ARHGAP44: variants seen among roughly 807,000 people sequenced by gnomAD.
ARHGAP44 encodes the protein Rho GTPase activating protein 44, also known as rho GTPase-activating protein 44.
ARHGAP44 carries 43 observed loss-of-function variants against 106.8 expected under a neutral mutation model. The observed-to-expected ratio is 0.40, with a 90% CI of 0.32 to 0.52. The LOEUF (loss-of-function observed/expected upper bound fraction) is 0.52. Among genes scored for constraint, ARHGAP44 ranks in the 20% least tolerant of loss-of-function variants. ARHGAP44 has a pLI of 0.48. For missense variants in ARHGAP44, 866 were observed against 1,050.5 expected (o/e 0.82, Z 2.43); for synonymous variants, 439 against 410.3 (o/e 1.07, Z -0.85).
intron 1 of ARHGAP44, among the ~76,000 whole-genome samples, chr17:12,875,368 A>C (rs747320934): frequency 1.3e-4 from 20 of 150,970 alleles, no homozygotes; most frequent in Non-Finnish European, 2.8e-4. Flanking sequence ...CCAAGGCAGG[A>C]GGATTGCGTG....
intron 19 of ARHGAP44, among the ~76,000 whole-genome samples, chr17:12,983,942 T>C (rs2039894256): frequency 6.6e-6 from 1 of 152,162 alleles, no homozygotes; most frequent in Non-Finnish European, 1.5e-5. Context: ...GGATGCAGGA[T>C]TGAGGCACAG....
intron 7 of ARHGAP44, 77 bp from the exon 8 acceptor site, chr17:12,940,979 G>A (rs75445034): frequency 0.053 from 66,561 of 1,254,538 alleles, 2,171 homozygotes; most frequent in Admixed American, 0.11. Flanking sequence ...TCTTTCTCAC[G>A]TGATGTGTTG....
chr17:12,836,319 ACAGTGGACTC>A (rs905045837), intron 1 of ARHGAP44, among the ~76,000 whole-genome samples: 1 of 152,146 alleles, frequency 6.6e-6, no homozygotes, highest in Non-Finnish European at 1.5e-5. Flanking sequence ...TATATCAGAT[ACAGTGGACTC>A]CAGACCAAGG....
At chr17:12,933,458 T>C (rs567740773) in intron 7 of ARHGAP44, among the ~76,000 whole-genome samples, 1 of 152,224 alleles carries the variant, frequency 6.6e-6, no homozygotes, top group Non-Finnish European at 1.5e-5. Flanking sequence ...GGTGCAGCAC[T>C]GCCTTCCTGT....
chr17:12,944,215 A>G lies in ARHGAP44; in HGVS notation c.861+19A>G. The G allele has an allele frequency of 6.3e-7, 1 of 1,584,044 alleles. No individual in the cohort carries two copies. Among genetic ancestry groups the G allele is most frequent in the Non-Finnish European group, 8.6e-7 (1 of 1,162,910 alleles). On this transcript the variant is annotated intron_variant, in intron 10 of 20. Transcript: ENST00000379672. ...GGAGGAGGTAGGTCTGAGCACAGCCACACGCCGCCCCGGGCAGGTCTCCTC... is the reference window on the plus strand; with the variant it reads ...GGAGGAGGTAGGTCTGAGCACAGCCGCACGCCGCCCCGGGCAGGTCTCCTC...
chr17:12,932,830 T>G (rs1431778856), intron 7 of ARHGAP44, among the ~76,000 whole-genome samples: 1 of 152,192 alleles, frequency 6.6e-6, no homozygotes, highest in African/African-American at 2.4e-5. Flanking sequence ...ACTCTATGTT[T>G]CATTAATCTG....
intron 5 of ARHGAP44, among the ~76,000 whole-genome samples, 188 bp from the exon 6 acceptor site, chr17:12,919,567 G>A (rs2038015302): frequency 6.6e-6 from 1 of 152,068 alleles, no homozygotes; most frequent in Non-Finnish European, 1.5e-5. Flanking sequence ...TGTATTTTTA[G>A]TAGAGTCGGA....
At chr17:12,920,525 A>G (rs1428754563) in intron 6 of ARHGAP44, among the ~76,000 whole-genome samples, 1 of 152,130 alleles carries the variant, frequency 6.6e-6, no homozygotes, top group African/African-American at 2.4e-5. Flanking sequence ...TGGCAGCCTT[A>G]CAGAGATCTG....
chr17:12,988,235 G>C (rs1235903928), intron 20 of ARHGAP44: 1 of 152,222 alleles, frequency 6.6e-6, no homozygotes, highest in Non-Finnish European at 1.5e-5. Context: ...TGCTTGTTCT[G>C]GGCCTGTCTA....
chr17:12,967,284 A>C (rs1224632485), intron 16 of ARHGAP44, among the ~76,000 whole-genome samples: 1 of 123,790 alleles, frequency 8.1e-6, no homozygotes, highest in Non-Finnish European at 1.6e-5. Context: ...TTCCTGAGAT[A>C]CAGTCTTGCT....
intron 1 of ARHGAP44, among the ~76,000 whole-genome samples, chr17:12,861,467 GA>G (rs1298740920): frequency 3.3e-5 from 5 of 151,950 alleles, no homozygotes; most frequent in Non-Finnish European, 2.9e-5. Flanking sequence ...CTCTAGGGGA[GA>G]ATTAGTTTCC....
chr17:12,857,716 A>T (rs8081426), intron 1 of ARHGAP44, among the ~76,000 whole-genome samples: 1 of 151,982 alleles, frequency 6.6e-6, no homozygotes, highest in Non-Finnish European at 1.5e-5. Flanking sequence ...CGTATTTTCC[A>T]TAACAGGATA....
chr17:12,877,602 T>C lies in ARHGAP44; in HGVS notation c.54-17338T>C, dbSNP rs192258901. Reference sequence around the variant, plus strand: ...CGTCTCTACTAAAAATACAAAAAATTAGCCGGGCGAGGTGGCGGGCGTCTG... The same window carrying C: ...CGTCTCTACTAAAAATACAAAAAATCAGCCGGGCGAGGTGGCGGGCGTCTG... On this transcript the variant is annotated intron_variant, in intron 1 of 20. Transcript: ENST00000379672. Among the ~76,000 whole-genome samples the C allele has an allele frequency of 2.6e-3, 402 of 152,158 alleles. 2 individuals carry two copies. The highest frequency in any genetic ancestry group is 9.1e-3 in the African/African-American group (377 of 41,512).
intron 1 of ARHGAP44, among the ~76,000 whole-genome samples, chr17:12,877,989 T>G (rs530673774): frequency 1.3e-5 from 2 of 152,310 alleles, no homozygotes; most frequent in South Asian, 4.1e-4. Context: ...CTGTAGTGAT[T>G]ATCAGCTCCA....
chr17:12,881,994 C>G (rs1238793683), intron 1 of ARHGAP44, among the ~76,000 whole-genome samples: 1 of 152,124 alleles, frequency 6.6e-6, no homozygotes, highest in Non-Finnish European at 1.5e-5. Context: ...GGCCACTGTG[C>G]CAAGCCTTCC....
intron 3 of ARHGAP44, among the ~76,000 whole-genome samples, chr17:12,902,162 G>A (rs984497685): frequency 5.3e-5 from 8 of 152,152 alleles, no homozygotes; most frequent in African/African-American, 1.9e-4. Context: ...ACACTATGAT[G>A]TGTCTTCTAC....
chr17:12,792,766 T>C (rs1173541425), intron 1 of ARHGAP44, among the ~76,000 whole-genome samples: 1 of 152,192 alleles, frequency 6.6e-6, no homozygotes, highest in African/African-American at 2.4e-5. Context: ...AATATAAAAC[T>C]TAAAGTCATT....
chr17:12,831,662 A>G (rs755324506), intron 1 of ARHGAP44, among the ~76,000 whole-genome samples: 2 of 152,116 alleles, frequency 1.3e-5, no homozygotes, highest in African/African-American at 4.8e-5. Flanking sequence ...TTTCAGAGGG[A>G]TGGATAGCTT....
intron 7 of ARHGAP44, among the ~76,000 whole-genome samples, chr17:12,931,871 C>G (rs975384739): frequency 1.4e-5 from 2 of 145,702 alleles, no homozygotes; most frequent in Non-Finnish European, 3.1e-5. Context: ...CACACACACA[C>G]ACACACACAT....
Sources: gnomAD v4.1 joint callset for allele counts (sites outside exome capture counted in the v4.1 genomes callset) on GRCh38, gnomAD v4.1.1 for gene constraint, MANE v1.5 for transcripts, NCBI Gene and HGNC (gene_info 2026-07-23, HGNC 2026-07-21) for gene names.